The following NXPE2 variants were observed in gnomAD, a reference collection of about 807,000 sequenced individuals.
The protein encoded by NXPE2 is NXPE family member 2.
A neutral mutation model predicts 34.4 loss-of-function variants in NXPE2; 34 were observed. The ratio of observed to expected loss-of-function variants is 0.99; its 90% CI spans 0.75 to 1.31. The LOEUF is 1.31. Ranked by LOEUF, NXPE2 falls within the 40% of genes most tolerant of loss-of-function variation. The pLI is 0.00. For missense variants in NXPE2, 649 were observed against 672.5 expected, an observed-to-expected ratio of 0.97 and a Z score of 0.39; for synonymous variants, 235 against 231.3, an observed-to-expected ratio of 1.02 and a Z score of -0.15.
chr11:114,540,015 T>C, the NXPE2 span, among the ~76,000 whole-genome samples: 2 of 152,242 alleles, frequency 1.3e-5, no homozygotes. Context: ...AATTTCCTTA[T>C]GACCTCACAT....
At chr11:114,671,297 G>A in the NXPE2 span, among the ~76,000 whole-genome samples, 2 of 148,534 alleles carry the variant, frequency 1.3e-5, no homozygotes, top group Non-Finnish European at 3.0e-5. Context: ...GAGAAATACG[G>A]TACAAATTTA....
the NXPE2 span, among the ~76,000 whole-genome samples, chr11:114,796,323 A>C: frequency 1.3e-5 from 2 of 152,192 alleles, no homozygotes; most frequent in Non-Finnish European, 2.9e-5. Context: ...TCAGTCCTTG[A>C]AGAATTTTTT....
chr11:114,741,669 A>G, the NXPE2 span, among the ~76,000 whole-genome samples: 2 of 152,014 alleles, frequency 1.3e-5, no homozygotes, highest in South Asian at 2.1e-4. Flanking sequence ...GGTTCTTTCT[A>G]TGATTTCTAA....
chr11:114,551,727 T>C, the NXPE2 span, among the ~76,000 whole-genome samples: 3 of 151,892 alleles, frequency 2.0e-5, no homozygotes, highest in African/African-American at 7.3e-5. Flanking sequence ...AAATGGAAAC[T>C]CCTTCAGGAA....
At chr11:114,750,561 G>T in the NXPE2 span, among the ~76,000 whole-genome samples, 1 of 152,100 alleles carries the variant, frequency 6.6e-6, no homozygotes, top group Non-Finnish European at 1.5e-5. Context: ...TTTCATTTCT[G>T]CTTTCAAACT....
the NXPE2 span, among the ~76,000 whole-genome samples, chr11:114,673,063 C>G: frequency 1.4e-5 from 2 of 147,524 alleles, no homozygotes; most frequent in Non-Finnish European, 3.0e-5. Context: ...ATAAAACAAG[C>G]CTATATATAT....
At chr11:114,581,946 AG>A in the NXPE2 span, among the ~76,000 whole-genome samples, 12 of 152,320 alleles carry the variant, frequency 7.9e-5, no homozygotes, top group Admixed American at 3.3e-4. Flanking sequence ...TTTGCCTATT[AG>A]GCTATGGGAT....
At chr11:114,600,139 A>G in the NXPE2 span, among the ~76,000 whole-genome samples, 15 of 152,166 alleles carry the variant, frequency 9.9e-5, no homozygotes, top group Non-Finnish European at 7.3e-5. Context: ...TTGAAGAAAA[A>G]CAAGTTTATT....
chr11:114,675,690 A>G (rs911228245), upstream of NXPE2, among the ~76,000 whole-genome samples: 2 of 151,974 alleles, frequency 1.3e-5, no homozygotes, highest in Non-Finnish European at 1.5e-5. Flanking sequence ...CATTCTACAG[A>G]TTTAACGTCA....
chr11:114,494,711 T>C, the NXPE2 span, among the ~76,000 whole-genome samples: 1 of 152,198 alleles, frequency 6.6e-6, no homozygotes, highest in Admixed American at 6.5e-5. Context: ...CTGGTGTATT[T>C]AGTTTATTTA....
At chr11:114,759,536 G>A in the NXPE2 span, among the ~76,000 whole-genome samples, 1 of 152,070 alleles carries the variant, frequency 6.6e-6, no homozygotes, top group Non-Finnish European at 1.5e-5. Context: ...TCTCCTTATT[G>A]CGTCAGTTTC....
chr11:114,726,624 GT>G, the NXPE2 span, among the ~76,000 whole-genome samples: 3 of 151,958 alleles, frequency 2.0e-5, no homozygotes, highest in African/African-American at 7.2e-5. Context: ...TTTAATTTTG[GT>G]TCCTTTTTGC....
At chr11:114,759,100 A>G in the NXPE2 span, among the ~76,000 whole-genome samples, 1 of 152,138 alleles carries the variant, frequency 6.6e-6, no homozygotes, top group Non-Finnish European at 1.5e-5. Flanking sequence ...ATGCGCACAC[A>G]CACACACTCT....
the NXPE2 span, among the ~76,000 whole-genome samples, chr11:114,532,487 A>G: frequency 1.3e-5 from 2 of 152,214 alleles, no homozygotes; most frequent in Non-Finnish European, 2.9e-5. Context: ...AATCATCATG[A>G]TGATAAACCT....
the NXPE2 span, among the ~76,000 whole-genome samples, chr11:114,606,453 T>C: frequency 3.3e-5 from 5 of 151,144 alleles, no homozygotes; most frequent in East Asian, 9.9e-4. Context: ...ACCTGGGAGA[T>C]AATGTGTTGC....
At chr11:114,663,996 A>G in the NXPE2 span, among the ~76,000 whole-genome samples, 2 of 152,176 alleles carry the variant, frequency 1.3e-5, no homozygotes, top group Non-Finnish European at 2.9e-5. Context: ...AGTTTCTTAT[A>G]ATGTTAAAAC....
At chr11:114,645,574 C>A in the NXPE2 span, among the ~76,000 whole-genome samples, 1 of 151,656 alleles carries the variant, frequency 6.6e-6, no homozygotes, top group East Asian at 1.9e-4. Flanking sequence ...TAAAAGATAC[C>A]CTAAACCAAG....
chr11:114,695,866 C>CACACACACAA (rs960618609), intron 2 of NXPE2, among the ~76,000 whole-genome samples: 2 of 149,320 alleles, frequency 1.3e-5, no homozygotes, highest in African/African-American at 5.0e-5. Context: ...CACACACACA[C>CACACACACAA]AATTAGCTGG....
the NXPE2 span, among the ~76,000 whole-genome samples, chr11:114,715,371 T>C: frequency 6.6e-6 from 1 of 152,210 alleles, no homozygotes; most frequent in African/African-American, 2.4e-5. Context: ...ACAGATAATT[T>C]GAAAAGAAGC....
Sources: gnomAD v4.1 joint callset for allele counts (sites outside exome capture counted in the v4.1 genomes callset) on GRCh38, gnomAD v4.1.1 for gene constraint, MANE v1.5 for transcripts, NCBI Gene and HGNC (gene_info 2026-07-23, HGNC 2026-07-21) for gene names.